EGFR: variants seen among roughly 807,000 people sequenced by gnomAD.
EGFR encodes the protein avian erythroblastic leukemia viral (v-erb-b) oncogene homolog.
A neutral mutation model predicts 143.0 loss-of-function variants in EGFR; 58 were observed. The observed-to-expected ratio is 0.41, with a 90% confidence interval of 0.33 to 0.50. The LOEUF (loss-of-function observed/expected upper bound fraction) is 0.50, where lower values mean the gene tolerates loss of function less well. EGFR is among the 20% of genes least tolerant of loss of function. EGFR has a pLI of 0.39. For synonymous variants in EGFR, 613 were observed against 594.4 expected, an observed-to-expected ratio of 1.03 and a Z score of -0.45; for missense variants, 1,307 against 1,579.0, an observed-to-expected ratio of 0.83 and a Z score of 2.92.
At chr7:55,112,492 TG>T (rs1792567219) in intron 1 of EGFR, among the ~76,000 whole-genome samples, 1 of 152,242 alleles carries the variant, frequency 6.6e-6, no homozygotes, top group African/African-American at 2.4e-5. Context: ...CGCCTAGACA[TG>T]GCCTCAGAAT....
intron 1 of EGFR, among the ~76,000 whole-genome samples, chr7:55,064,497 A>G (rs1293239430): frequency 6.6e-6 from 1 of 152,242 alleles, no homozygotes; most frequent in African/African-American, 2.4e-5. Context: ...ATACACACAC[A>G]AACACCCATT....
At chr7:55,041,748 T>C (rs967697412) in intron 1 of EGFR, among the ~76,000 whole-genome samples, 2 of 152,232 alleles carry the variant, frequency 1.3e-5, no homozygotes, top group African/African-American at 4.8e-5. Flanking sequence ...TCCAAAGGAG[T>C]GAATAGGCCT....
At chr7:55,152,695 G>C in intron 6 of EGFR, 31 bp downstream of exon 6, 1 of 1,595,452 alleles carries the variant, frequency 6.3e-7, no homozygotes, top group Non-Finnish European at 8.6e-7. Flanking sequence ...CCTCCCTGGA[G>C]CAGGCTGGGG....
intron 4 of EGFR, among the ~76,000 whole-genome samples, chr7:55,148,006 C>T (rs976455199): frequency 6.6e-6 from 1 of 152,194 alleles, no homozygotes; most frequent in Non-Finnish European, 1.5e-5. Context: ...TATGTTGACA[C>T]TACATTTTGT....
Position 55,191,821 on chromosome 7 carries a change from C to T in EGFR, c.2572C>T (p.Leu858=), listed in dbSNP as rs121913443. The part of the protein sequence containing the change: ...PQHVKITDFG[L]AKLLGAEEKE... ...GCATGTCAAGATCACAGATTTTGGGCTGGCCAAACTGCTGGGTGCGGAAGA... is the reference window on the plus strand; with the variant it reads ...GCATGTCAAGATCACAGATTTTGGGTTGGCCAAACTGCTGGGTGCGGAAGA... Residue 858 remains leucine, a synonymous_variant, in exon 21 of 28, where the codon CTG becomes TTG. Coordinates refer to ENST00000275493, the MANE Select transcript of EGFR (RefSeq NM_005228.5). The T allele has an allele frequency of 3.1e-6, 5 of 1,613,946 alleles. No individual in the cohort carries two copies. In the African/African-American group the frequency reaches 5.3e-5, roughly 17 times the overall value.
At chr7:55,109,285 T>A (rs1388327986) in intron 1 of EGFR, among the ~76,000 whole-genome samples, 1 of 152,244 alleles carries the variant, frequency 6.6e-6, no homozygotes, top group Non-Finnish European at 1.5e-5. Flanking sequence ...TACCCTCATC[T>A]TCTTCCCAAG....
chr7:55,077,078 T>C (rs985596388), intron 1 of EGFR, among the ~76,000 whole-genome samples: 2 of 152,074 alleles, frequency 1.3e-5, no homozygotes, highest in Non-Finnish European at 2.9e-5. Flanking sequence ...CATGTACTAA[T>C]GGATGAGTTG....
At chr7:55,163,598 T>G (rs532722511) in intron 13 of EGFR, 135 bp from the exon 14 acceptor site, 1 of 738,438 alleles carries the variant, frequency 1.4e-6, no homozygotes, top group South Asian at 1.5e-5. Flanking sequence ...ATCAGCTGAT[T>G]ATATTACTAT....
chr7:55,121,991 A>T (rs1404221664), intron 1 of EGFR, among the ~76,000 whole-genome samples: 1 of 152,184 alleles, frequency 6.6e-6, no homozygotes, highest in Non-Finnish European at 1.5e-5. Context: ...CTGATTCTTC[A>T]CTATCCAAAA....
At chr7:55,061,168 T>C (rs1044557335) in intron 1 of EGFR, among the ~76,000 whole-genome samples, 1 of 152,228 alleles carries the variant, frequency 6.6e-6, no homozygotes, top group Admixed American at 6.5e-5. Context: ...ATTCCTTTTA[T>C]GTAATTGGCC....
intron 1 of EGFR, among the ~76,000 whole-genome samples, chr7:55,059,989 C>T (rs1253225674): frequency 6.6e-6 from 1 of 152,198 alleles, no homozygotes; most frequent in South Asian, 2.1e-4. Context: ...CAGAGAGGTC[C>T]TCTCAGTGTG....
At chr7:55,118,857 A>C (rs1211397431) in intron 1 of EGFR, among the ~76,000 whole-genome samples, 1 of 152,210 alleles carries the variant, frequency 6.6e-6, no homozygotes, top group Non-Finnish European at 1.5e-5. Context: ...GTGTTTTCTC[A>C]GTAGCAAACT....
At chr7:55,128,653 A>C (rs1435670324) in intron 1 of EGFR, among the ~76,000 whole-genome samples, 2 of 152,180 alleles carry the variant, frequency 1.3e-5, no homozygotes, top group African/African-American at 4.8e-5. Context: ...ATTCTAGAAG[A>C]CTCCATGTTT....
chr7:55,077,997 A>T (rs1790228359), intron 1 of EGFR, among the ~76,000 whole-genome samples: 1 of 151,964 alleles, frequency 6.6e-6, no homozygotes, highest in African/African-American at 2.4e-5. Flanking sequence ...GTGGGTGTGG[A>T]GGGGGAGGCA....
Position 55,128,360 on chromosome 7 carries a change from G to A in EGFR, c.89-13926G>A, listed in dbSNP as rs142909450. ...TTTGGTCTAAAATTACTGTCATGGC[G>A]GAGCAGCTTCACCTTAGTCATTGCC... is the stretch of plus-strand genomic sequence containing the variant. On this transcript the variant is annotated intron_variant, in intron 1 of 27. Transcript: ENST00000275493. Among the ~76,000 whole-genome samples the A allele has an allele frequency of 1.1e-3, 174 of 152,264 alleles. 1 individual carries two copies. Among genetic ancestry groups the A allele is most frequent in the Non-Finnish European group, 1.3e-3 (88 of 68,028 alleles).
chr7:55,062,386 A>C (rs535668035), intron 1 of EGFR, among the ~76,000 whole-genome samples: 1 of 152,206 alleles, frequency 6.6e-6, no homozygotes, highest in Non-Finnish European at 1.5e-5. Flanking sequence ...AAGGTTAAAC[A>C]GTAGAGACAT....
intron 15 of EGFR, among the ~76,000 whole-genome samples, chr7:55,169,205 A>G (rs919977097): frequency 6.6e-6 from 1 of 151,886 alleles, no homozygotes; most frequent in African/African-American, 2.4e-5. Flanking sequence ...GGTTCAAGCA[A>G]TTCTCCTGCT....
chr7:55,115,611 G>T (rs552544318), intron 1 of EGFR, among the ~76,000 whole-genome samples: 2 of 152,232 alleles, frequency 1.3e-5, no homozygotes, highest in East Asian at 1.9e-4. Flanking sequence ...CTTCCTGAAG[G>T]TATAGTGAAA....
intron 1 of EGFR, among the ~76,000 whole-genome samples, chr7:55,034,837 G>A (rs1004815024): frequency 5.9e-5 from 9 of 152,198 alleles, no homozygotes; most frequent in Admixed American, 3.9e-4. Flanking sequence ...ACCAAACATG[G>A]AAAAGCTAAC....
Sources: allele counts gnomAD v4.1 joint callset (sites outside exome capture counted in the v4.1 genomes callset), GRCh38; gene constraint gnomAD v4.1.1; transcripts MANE v1.5; gene names NCBI Gene and HGNC (gene_info 2026-07-23, HGNC 2026-07-21).